SLC38A12: variants seen among roughly 807,000 people sequenced by gnomAD.
The protein encoded by SLC38A12 is solute carrier family 38 member 12.
the SLC38A12 span, among the ~76,000 whole-genome samples, chr17:74,803,526 G>A: frequency 6.6e-6 from 1 of 152,176 alleles, no homozygotes; most frequent in Non-Finnish European, 1.5e-5. Flanking sequence ...GGGACCTTCT[G>A]CGCTGAGCTT....
the SLC38A12 span, among the ~76,000 whole-genome samples, chr17:74,784,836 G>T: frequency 2.6e-5 from 4 of 152,272 alleles, no homozygotes; most frequent in Admixed American, 2.6e-4. Context: ...GGGCTTTTTG[G>T]GGGGTGATAA....
the SLC38A12 span, among the ~76,000 whole-genome samples, chr17:74,811,484 G>A: frequency 6.6e-6 from 1 of 152,304 alleles, no homozygotes; most frequent in East Asian, 1.9e-4. Context: ...ATTTTGGGAG[G>A]CCAAGGCAGG....
At chr17:74,777,283 C>A in the SLC38A12 span, 5 of 1,612,662 alleles carry the variant, frequency 3.1e-6, no homozygotes, top group African/African-American at 6.7e-5. Flanking sequence ...CAGCCGCCGT[C>A]CTTGCACCTA....
At chr17:74,829,103 T>C in the SLC38A12 span, among the ~76,000 whole-genome samples, 11 of 152,218 alleles carry the variant, frequency 7.2e-5, no homozygotes, top group Admixed American at 3.3e-4. The surrounding 1 kb of genome is among the most constrained non-coding windows in gnomAD (Gnocchi z 4.1). Context: ...TGGGATACTT[T>C]ACGTTCCTTT....
chr17:74,795,106 G>A, the SLC38A12 span: 11 of 1,613,874 alleles, frequency 6.8e-6, no homozygotes, highest in Non-Finnish European at 9.3e-6. Flanking sequence ...TCATGCAGGT[G>A]ACCTGGTGAG....
chr17:74,819,886 C>T, the SLC38A12 span: 6 of 1,556,184 alleles, frequency 3.9e-6, no homozygotes, highest in South Asian at 2.2e-5. Context: ...TTTCTCCTCT[C>T]GTCCCTTCCC....
chr17:74,837,757 A>G, the SLC38A12 span: 1 of 985,874 alleles, frequency 1.0e-6, no homozygotes, highest in Non-Finnish European at 1.2e-6. Context: ...TCAGCCATGC[A>G]CGCACTTGCT....
At chr17:74,798,237 TTTTATA>T in the SLC38A12 span, among the ~76,000 whole-genome samples, 1 of 152,204 alleles carries the variant, frequency 6.6e-6, no homozygotes, top group Admixed American at 6.5e-5. Flanking sequence ...AGATACAGAC[TTTTATA>T]TTGTGGTCTA....
At chr17:74,828,439 G>A in the SLC38A12 span, among the ~76,000 whole-genome samples, 4 of 152,132 alleles carry the variant, frequency 2.6e-5, no homozygotes, top group African/African-American at 4.8e-5. Flanking sequence ...AGTGTGCCGC[G>A]TGCGGTCTGG....
At chr17:74,787,654 G>A in the SLC38A12 span, among the ~76,000 whole-genome samples, 2 of 151,504 alleles carry the variant, frequency 1.3e-5, no homozygotes, top group Non-Finnish European at 2.9e-5. Flanking sequence ...GAAAGCAGGA[G>A]ATGAATGTTC....
the SLC38A12 span, chr17:74,788,716 C>T: frequency 1.5e-6 from 2 of 1,376,360 alleles, no homozygotes; most frequent in Non-Finnish European, 2.0e-6. Flanking sequence ...TCGGTTCTTA[C>T]AATGGTGTTT....
At chr17:74,790,358 A>C in the SLC38A12 span, 4 of 1,436,924 alleles carry the variant, frequency 2.8e-6, no homozygotes, top group Non-Finnish European at 3.9e-6. Flanking sequence ...CCCTTTCTTC[A>C]TGGAGAGGGC....
chr17:74,780,676 C>T, the SLC38A12 span, among the ~76,000 whole-genome samples: 9 of 152,274 alleles, frequency 5.9e-5, no homozygotes, highest in Non-Finnish European at 1.3e-4. Flanking sequence ...CACTGATTAC[C>T]TTTACAGAAG....
chr17:74,827,591 C>T, the SLC38A12 span, among the ~76,000 whole-genome samples: 6 of 152,278 alleles, frequency 3.9e-5, no homozygotes, highest in South Asian at 2.1e-4. The surrounding 1 kb of genome is among the most constrained non-coding windows in gnomAD (Gnocchi z 4.7). Flanking sequence ...CCACCGTGCC[C>T]GGCCGCATCT....
the SLC38A12 span, chr17:74,777,347 C>G: frequency 6.2e-7 from 1 of 1,614,188 alleles, no homozygotes; most frequent in East Asian, 2.2e-5. Flanking sequence ...GGTGAAATTA[C>G]AGAGACCGGG....
chr17:74,795,265 C>A, the SLC38A12 span, among the ~76,000 whole-genome samples: 1 of 152,228 alleles, frequency 6.6e-6, no homozygotes, highest in Non-Finnish European at 1.5e-5. Context: ...AGACCACAGC[C>A]AGCCATGCTG....
the SLC38A12 span, among the ~76,000 whole-genome samples, chr17:74,786,830 T>C: frequency 6.6e-5 from 10 of 152,244 alleles, no homozygotes; most frequent in East Asian, 1.9e-3. Context: ...AGCCAAGAGC[T>C]CTAGAAGTCC....
chr17:74,828,211 G>T, the SLC38A12 span, among the ~76,000 whole-genome samples: 1 of 152,204 alleles, frequency 6.6e-6, no homozygotes, highest in Non-Finnish European at 1.5e-5. Context: ...GGCTTGGGGC[G>T]CCCTGACCTC....
chr17:74,791,035 AG>A, the SLC38A12 span: 1 of 1,612,532 alleles, frequency 6.2e-7, no homozygotes, highest in African/African-American at 1.3e-5. Flanking sequence ...TCTTCAATAA[AG>A]GTAGAAGTTC....
Sources: allele counts gnomAD v4.1 joint callset (sites outside exome capture counted in the v4.1 genomes callset), GRCh38; gene constraint gnomAD v4.1.1; non-coding constraint Gnocchi (gnomAD v3.1); transcripts MANE v1.5; gene names NCBI Gene and HGNC (gene_info 2026-07-23, HGNC 2026-07-21).